The following SCAPER variants were observed in gnomAD, a reference collection of about 807,000 sequenced individuals.
SCAPER encodes S phase cyclin A-associated protein in the endoplasmic reticulum.
In SCAPER, 98 loss-of-function variants were observed where a neutral mutation model predicts 182.2. The observed-to-expected ratio is 0.54, with a 90% confidence interval of 0.46 to 0.64. The LOEUF (loss-of-function observed/expected upper bound fraction) is 0.64, where lower values mean the gene tolerates loss of function less well. Among genes scored for constraint, SCAPER ranks in the 30% least tolerant of loss-of-function variants. SCAPER has a pLI of 0.00. For synonymous variants in SCAPER, 605 were observed against 564.6 expected (o/e 1.07, Z -1.01); for missense variants, 1,432 against 1,690.0 (o/e 0.85, Z 2.68).
intron 26 of SCAPER, among the ~76,000 whole-genome samples, chr15:76,432,038 G>C (rs2046903505): frequency 1.3e-5 from 2 of 152,290 alleles, no homozygotes; most frequent in South Asian, 4.1e-4. Context: ...CCCCTGGAAG[G>C]CCCACTGGAA....
chr15:76,680,278 G>T (rs868171460), intron 20 of SCAPER, among the ~76,000 whole-genome samples: 2 of 151,870 alleles, frequency 1.3e-5, no homozygotes, highest in South Asian at 2.1e-4. Flanking sequence ...AAAGTAGAAT[G>T]ACAGAAAATG....
intron 24 of SCAPER, among the ~76,000 whole-genome samples, chr15:76,474,271 C>T (rs925911888): frequency 4.6e-5 from 7 of 152,142 alleles, no homozygotes; most frequent in African/African-American, 1.7e-4. Context: ...ATCTAACTTC[C>T]TATGATGTTC....
In SCAPER at chr15:76,703,007, A is replaced by G. The variant is rs371771828; in HGVS notation, c.2248-5T>C. 5 of 1,533,866 alleles carry G rather than the reference A, an allele frequency of 3.3e-6. No individual in the cohort carries two copies. Among genetic ancestry groups the G allele is most frequent in the African/African-American group, 2.8e-5 (2 of 70,188 alleles). The stretch of plus-strand genomic sequence containing the variant: ...CCTTCGAATACTTTCATCATGCTGT[A>G]GATGAAGTCAAAGTGCAAGAATTTC... On this transcript the variant is annotated splice_region_variant and splice_polypyrimidine_tract_variant and intron_variant, in intron 18 of 31. Coordinates refer to ENST00000563290, the MANE Select transcript of SCAPER (RefSeq NM_020843.4).
intron 10 of SCAPER, among the ~76,000 whole-genome samples, chr15:76,767,544 A>G (rs1315331868): frequency 6.6e-6 from 1 of 152,158 alleles, no homozygotes; most frequent in Non-Finnish European, 1.5e-5. Context: ...TAAAAAATGC[A>G]CTGCAAATAA....
chr15:76,542,457 A>G (rs2044844435), intron 23 of SCAPER, among the ~76,000 whole-genome samples: 1 of 152,112 alleles, frequency 6.6e-6, no homozygotes, highest in South Asian at 2.1e-4. Context: ...TGGGAGGCAG[A>G]GGTTGCAATG....
intron 17 of SCAPER, among the ~76,000 whole-genome samples, chr15:76,706,982 CAT>C (rs1247072860): frequency 2.6e-5 from 4 of 151,918 alleles, no homozygotes; most frequent in African/African-American, 4.8e-5. Context: ...TCATTTATGA[CAT>C]ATATATGTAA....
intron 20 of SCAPER, among the ~76,000 whole-genome samples, chr15:76,671,833 A>T (rs1382135437): frequency 6.6e-6 from 1 of 152,098 alleles, no homozygotes; most frequent in African/African-American, 2.4e-5. Context: ...CAGTGTCTGC[A>T]GGAGAAATTA....
intron 22 of SCAPER, among the ~76,000 whole-genome samples, chr15:76,615,214 G>A (rs182870225): frequency 1.3e-5 from 2 of 151,858 alleles, no homozygotes; most frequent in Non-Finnish European, 2.9e-5. Flanking sequence ...GAGGCTGAGG[G>A]GGGGCGGATT....
At position 76,472,077 on chromosome 15, in the gene SCAPER, T is replaced by C. The variant is rs994346888; in HGVS notation, c.2955-742A>G. On this transcript the variant is annotated intron_variant, in intron 24 of 31. Transcript: ENST00000563290. Reference sequence around the variant, plus strand: ...CTGCTGCATTCCTGCATCCATAGCATATGTCCTGCCGCATCACTGCCATGC... The same window carrying C: ...CTGCTGCATTCCTGCATCCATAGCACATGTCCTGCCGCATCACTGCCATGC... 1.5e-4 allele frequency: 50 copies of C among 326,714 alleles called. 1 individual carries two copies. The highest frequency in any genetic ancestry group is 1.4e-3 in the South Asian group (49 of 35,002). The allele number at this position is 326,714 out of a possible 1,614,324, so 20.2% of individuals were successfully genotyped here.
chr15:76,405,354 CG>C, intron 26 of SCAPER, among the ~76,000 whole-genome samples: 1 of 151,676 alleles, frequency 6.6e-6, no homozygotes, highest in South Asian at 2.1e-4. Flanking sequence ...TGGCCTGATG[CG>C]ATCCTCCTGC....
chr15:76,652,371 C>CACACACACATATATATATATAT (rs764864981), intron 21 of SCAPER, among the ~76,000 whole-genome samples: 1 of 8,064 alleles, frequency 1.2e-4, no homozygotes, highest in Non-Finnish European at 2.1e-4. Flanking sequence ...CACACACACA[C>CACACACACATATATATATATAT]ATATATATAT....
At chr15:76,756,956 T>C (rs1037403575) in intron 14 of SCAPER, among the ~76,000 whole-genome samples, 5 of 152,188 alleles carry the variant, frequency 3.3e-5, no homozygotes, top group Middle Eastern at 3.2e-3. Flanking sequence ...CTTACCGCAA[T>C]GATCAATAGT....
intron 23 of SCAPER, among the ~76,000 whole-genome samples, chr15:76,552,195 A>T (rs1442001848): frequency 6.6e-6 from 1 of 152,116 alleles, no homozygotes; most frequent in African/African-American, 2.4e-5. Context: ...AGGCAGGAGG[A>T]TCCCTTGAGC....
At chr15:76,734,888 A>C (rs59428809) in intron 15 of SCAPER, among the ~76,000 whole-genome samples, 27,733 of 151,760 alleles carry the variant, frequency 0.18, 2,622 homozygotes, top group South Asian at 0.23. Context: ...CTCTCTCTAT[A>C]TATATATATA....
chr15:76,431,999 A>G (rs975039619), intron 26 of SCAPER, among the ~76,000 whole-genome samples: 6 of 152,216 alleles, frequency 3.9e-5, no homozygotes, highest in African/African-American at 1.4e-4. Flanking sequence ...TGGTAATTAT[A>G]ATAATGTATG....
chr15:76,553,095 C>A, intron 23 of SCAPER, among the ~76,000 whole-genome samples: 1 of 152,230 alleles, frequency 6.6e-6, no homozygotes, highest in East Asian at 1.9e-4. Flanking sequence ...CAGCACCCCC[C>A]ACCCCCTACT....
chr15:76,523,950 T>A (rs1427126177), intron 23 of SCAPER, among the ~76,000 whole-genome samples: 1 of 152,138 alleles, frequency 6.6e-6, no homozygotes, highest in Non-Finnish European at 1.5e-5. Context: ...CTGACTTTCC[T>A]AAGACTGAAA....
At chr15:76,372,639 G>A (rs1030424969) in intron 29 of SCAPER, among the ~76,000 whole-genome samples, 5 of 152,242 alleles carry the variant, frequency 3.3e-5, no homozygotes, top group South Asian at 2.1e-4. Context: ...CACCAAAAGC[G>A]CTGAACTTTG....
intron 23 of SCAPER, among the ~76,000 whole-genome samples, chr15:76,559,173 T>TC (rs993302126): frequency 2.0e-4 from 31 of 151,434 alleles, no homozygotes; most frequent in Admixed American, 1.9e-3. Flanking sequence ...TAGCTGGGAT[T>TC]ATAGGCACCC....
Sources: allele counts gnomAD v4.1 joint callset (sites outside exome capture counted in the v4.1 genomes callset), GRCh38; gene constraint gnomAD v4.1.1; transcripts MANE v1.5; gene names NCBI Gene and HGNC (gene_info 2026-07-23, HGNC 2026-07-21).